RAB3GAP1: variants seen among roughly 807,000 people sequenced by gnomAD.
RAB3GAP1 encodes RAB3 GTPase activating protein catalytic subunit 1, also known as rab3 GTPase-activating protein catalytic subunit.
A neutral mutation model predicts 130.7 loss-of-function variants in RAB3GAP1; 86 were observed. The ratio of observed to expected loss-of-function variants is 0.66; its 90% CI spans 0.55 to 0.79. RAB3GAP1 has a LOEUF of 0.79. Ranked by LOEUF, RAB3GAP1 falls within the 30% of genes least tolerant of loss-of-function variation. The pLI, the probability that RAB3GAP1 is intolerant of heterozygous loss-of-function variation, is 0.00. For missense variants in RAB3GAP1, 1,029 were observed against 1,169.4 expected (o/e 0.88, Z 1.75); for synonymous variants, 367 against 401.7 (o/e 0.91, Z 1.03).
At position 135,052,297 on chromosome 2, in the gene RAB3GAP1, C is replaced by A; in HGVS notation, c.-11C>A. ...CCGGCAGCCTTAGCGCCAGGCCCGG[C>A]GCTCCTCAAGATGGCTGCCGACAGT... is the stretch of plus-strand genomic sequence containing the variant. On this transcript the variant is annotated 5_prime_UTR_variant, in exon 1 of 24. Coordinates refer to ENST00000264158, the MANE Select transcript of RAB3GAP1 (RefSeq NM_012233.3). The A allele has an allele frequency of 6.2e-7, 1 of 1,613,340 alleles. No individual in the cohort carries two copies. Among genetic ancestry groups the A allele is most frequent in the African/African-American group, 1.3e-5 (1 of 75,028 alleles).
At chr2:135,129,889 A>G (rs1691479962) in intron 11 of RAB3GAP1, 106 bp from the exon 12 acceptor site, 4 of 766,418 alleles carry the variant, frequency 5.2e-6, no homozygotes, top group Admixed American at 2.5e-5. Context: ...TTTACTTTCT[A>G]CCATATCTTA....
downstream of RAB3GAP1, among the ~76,000 whole-genome samples, chr2:135,171,641 T>G (rs569449170): frequency 1.3e-5 from 2 of 152,314 alleles, no homozygotes; most frequent in African/African-American, 4.8e-5. Context: ...ATTTCATTCA[T>G]TAGTCCAGCA....
intron 5 of RAB3GAP1, among the ~76,000 whole-genome samples, chr2:135,101,348 A>G (rs1574108548): frequency 6.6e-6 from 1 of 152,210 alleles, no homozygotes; most frequent in East Asian, 1.9e-4. Flanking sequence ...AAAAAGTTAA[A>G]CCAGAATTAA....
chr2:135,164,673 A>G lies in RAB3GAP1; in HGVS notation c.2686A>G (p.Lys896Glu). 1 of 1,611,724 alleles carries G rather than the reference A, an allele frequency of 6.2e-7. No individual in the cohort carries two copies. The highest frequency in any genetic ancestry group is 1.3e-5 in the African/African-American group (1 of 74,964). The stretch of plus-strand genomic sequence containing the variant: ...AGGACATGCTGGCAGGATCATTCAC[A>G]AGCTGTTTGTGAATGCCCAGAGGGT... Reference protein sequence around the residue: ...GRGHAGRIIHKLFVNAQRAAA... With the variant: ...GRGHAGRIIHELFVNAQRAAA... Residue 896 changes from lysine to glutamate, a missense_variant, in exon 23 of 24, where the codon AAG (lysine) becomes GAG (glutamate). By Grantham distance (56) the Lys-to-Glu change is moderately conservative (BLOSUM62 1). Coordinates refer to ENST00000264158, the MANE Select transcript of RAB3GAP1 (RefSeq NM_012233.3).
At chr2:135,057,509 C>T (rs1689047761) in intron 2 of RAB3GAP1, among the ~76,000 whole-genome samples, 1 of 152,162 alleles carries the variant, frequency 6.6e-6, no homozygotes, top group South Asian at 2.1e-4. Flanking sequence ...ATTTTTGTGC[C>T]TCAGCCTCCT....
chr2:135,102,865 A>C (rs1168177997), intron 5 of RAB3GAP1, among the ~76,000 whole-genome samples: 1 of 151,646 alleles, frequency 6.6e-6, no homozygotes. Context: ...AATAACAAAA[A>C]TTAGCCGGGC....
chr2:135,130,131 G>C, intron 12 of RAB3GAP1, 44 bp downstream of exon 12: 1 of 1,439,628 alleles, frequency 6.9e-7, no homozygotes, highest in Non-Finnish European at 9.7e-7. Flanking sequence ...ATGTCTTACT[G>C]TTTTTCCTTG....
At chr2:135,106,519 C>T (rs1022166228) in intron 5 of RAB3GAP1, among the ~76,000 whole-genome samples, 2 of 152,100 alleles carry the variant, frequency 1.3e-5, no homozygotes, top group African/African-American at 4.8e-5. Flanking sequence ...AAGGGCGGTG[C>T]AAGATGTGCT....
intron 3 of RAB3GAP1, among the ~76,000 whole-genome samples, chr2:135,081,514 C>A (rs1689821285): frequency 2.0e-5 from 3 of 150,590 alleles, no homozygotes; most frequent in Admixed American, 2.0e-4. Context: ...TTCTTCCACA[C>A]TTTTGCTGTC....
chr2:135,152,367 A>G (rs1692201045), intron 18 of RAB3GAP1, among the ~76,000 whole-genome samples: 1 of 152,258 alleles, frequency 6.6e-6, no homozygotes, highest in Non-Finnish European at 1.5e-5. Context: ...TCAGCCTAGT[A>G]TAGTAAGGAC....
At chr2:135,117,543 GCTT>G (rs34092587) in intron 7 of RAB3GAP1, among the ~76,000 whole-genome samples, 14,330 of 43,612 alleles carry the variant, frequency 0.33, 846 homozygotes, top group South Asian at 0.5. Context: ...TTCTTCTTCT[GCTT>G]CTTCTTCTTC....
intron 17 of RAB3GAP1, among the ~76,000 whole-genome samples, chr2:135,142,967 C>A (rs1371884048): frequency 6.6e-6 from 1 of 151,126 alleles, no homozygotes; most frequent in African/African-American, 2.4e-5. Flanking sequence ...GGGAAGTGTC[C>A]CCTCTTTTTC....
intron 18 of RAB3GAP1, among the ~76,000 whole-genome samples, chr2:135,151,382 G>A (rs1198366861): frequency 1.3e-5 from 2 of 152,142 alleles, no homozygotes; most frequent in African/African-American, 4.8e-5. Flanking sequence ...TTAGGCCAGT[G>A]TGAGTTTGAT....
At chr2:135,161,660 G>A (rs1183316004) in intron 19 of RAB3GAP1, among the ~76,000 whole-genome samples, 1 of 151,972 alleles carries the variant, frequency 6.6e-6, no homozygotes, top group African/African-American at 2.4e-5. Context: ...TTTAAAAAAA[G>A]TTTCAAATCA....
intron 17 of RAB3GAP1, among the ~76,000 whole-genome samples, chr2:135,138,118 C>T (rs907314572): frequency 1.3e-5 from 2 of 151,804 alleles, no homozygotes; most frequent in African/African-American, 4.8e-5. Context: ...TGATCCACTG[C>T]ACCCGGCCTG....
At chr2:135,081,359 T>TATATATATAC (rs1553440468) in intron 3 of RAB3GAP1, among the ~76,000 whole-genome samples, 4 of 81,114 alleles carry the variant, frequency 4.9e-5, no homozygotes, top group African/African-American at 6.8e-5. Context: ...TATATATATA[T>TATATATATAC]ATACACACAC....
At chr2:135,135,539 T>G in intron 16 of RAB3GAP1, 25 bp from the exon 17 acceptor site, 1 of 1,563,520 alleles carries the variant, frequency 6.4e-7, no homozygotes. Flanking sequence ...AATTCAACTA[T>G]AAATGTTATT....
intron 17 of RAB3GAP1, among the ~76,000 whole-genome samples, chr2:135,144,037 G>A (rs560109559): frequency 6.6e-5 from 10 of 152,280 alleles, no homozygotes; most frequent in African/African-American, 2.2e-4. Flanking sequence ...CTTCTGCCCA[G>A]GCCTCACTCA....
In RAB3GAP1 at chr2:135,091,127, G is replaced by A; in HGVS notation, c.280G>A (p.Glu94Lys). ...TAAAGAAGGAAAGGATGAGTTATTA[G>A]AGGGTAAGTTATTTCTATATAATAA... ...TDKEGKDELL[E>K]DVVPQSMQDL... Residue 94 changes from glutamate to lysine, a missense_variant, in exon 4 of 24, where the codon GAG (glutamate) becomes AAG (lysine). Coordinates refer to ENST00000264158, the MANE Select transcript of RAB3GAP1 (RefSeq NM_012233.3). 6.3e-7 allele frequency: 1 copy of A among 1,582,574 alleles called. No individual in the cohort carries two copies. The highest frequency in any genetic ancestry group is 1.7e-5 in the Admixed American group (1 of 59,928).
Sources: allele counts gnomAD v4.1 joint callset (sites outside exome capture counted in the v4.1 genomes callset), GRCh38; gene constraint gnomAD v4.1.1; transcripts MANE v1.5; gene names NCBI Gene and HGNC (gene_info 2026-07-23, HGNC 2026-07-21).